The following LRMDA variants were observed in gnomAD, a reference collection of about 807,000 sequenced individuals.
The protein encoded by LRMDA is leucine rich melanocyte differentiation associated.
Under a neutral mutation model 29.8 loss-of-function variants are expected in LRMDA, and 18 were observed. The observed-to-expected ratio is 0.60, with a 90% CI of 0.42 to 0.90. The LOEUF is 0.90. Among genes scored for constraint, LRMDA ranks in the 40% least tolerant of loss-of-function variants. The pLI is 0.00. For synonymous variants in LRMDA, 125 were observed against 109.4 expected, an observed-to-expected ratio of 1.14 and a Z score of -0.89; for missense variants, 273 against 273.9, an observed-to-expected ratio of 1.00 and a Z score of 0.02.
At chr10:75,654,211 A>G (rs2132129062) in intron 2 of LRMDA, among the ~76,000 whole-genome samples, 1 of 152,340 alleles carries the variant, frequency 6.6e-6, no homozygotes, top group East Asian at 1.9e-4. Flanking sequence ...TGAAAGGTCC[A>G]GTTCTTGGCT....
intron 6 of LRMDA, among the ~76,000 whole-genome samples, chr10:76,486,995 G>T (rs1842789030): frequency 1.3e-5 from 2 of 151,906 alleles, no homozygotes; most frequent in African/African-American, 2.4e-5. Context: ...GGTTATTATT[G>T]TGTTGCTAGA....
intron 2 of LRMDA, among the ~76,000 whole-genome samples, chr10:75,936,409 A>C (rs926300156): frequency 1.3e-5 from 2 of 152,188 alleles, no homozygotes; most frequent in African/African-American, 4.8e-5. Flanking sequence ...TCTTCCTGGT[A>C]TATAATTCCA....
chr10:75,790,731 A>G (rs1452064463), intron 2 of LRMDA, among the ~76,000 whole-genome samples: 1 of 152,192 alleles, frequency 6.6e-6, no homozygotes, highest in East Asian at 1.9e-4. Context: ...GAACCAGTCT[A>G]TTCCCCAGTG....
chr10:75,989,361 G>A (rs539670712), intron 2 of LRMDA, among the ~76,000 whole-genome samples: 12 of 152,366 alleles, frequency 7.9e-5, no homozygotes, highest in African/African-American at 2.9e-4. Context: ...CGAAGGCAAA[G>A]AGGGCGCTGG....
chr10:76,456,426 C>T (rs1410040495), intron 6 of LRMDA, among the ~76,000 whole-genome samples: 2 of 152,140 alleles, frequency 1.3e-5, no homozygotes, highest in African/African-American at 4.8e-5. Context: ...AAAGCAATTG[C>T]AGAGGACCAC....
intron 2 of LRMDA, among the ~76,000 whole-genome samples, chr10:75,968,788 A>G (rs568188346): frequency 6.6e-6 from 1 of 152,308 alleles, no homozygotes; most frequent in South Asian, 2.1e-4. Flanking sequence ...GAATTAGAGC[A>G]TGGAATATGA....
chr10:75,568,415 G>A (rs1407098508), intron 2 of LRMDA, among the ~76,000 whole-genome samples: 1 of 152,146 alleles, frequency 6.6e-6, no homozygotes, highest in African/African-American at 2.4e-5. Context: ...ATTTTCAGCA[G>A]GTGCTTTGTA....
chr10:75,557,486 C>G (rs1307356986), intron 2 of LRMDA, among the ~76,000 whole-genome samples: 3 of 152,074 alleles, frequency 2.0e-5, no homozygotes, highest in Admixed American at 6.5e-5. Flanking sequence ...TGGGAGGCAG[C>G]CTGGCTATGA....
At chr10:76,454,861 G>A (rs149711789) in intron 6 of LRMDA, among the ~76,000 whole-genome samples, 17 of 152,318 alleles carry the variant, frequency 1.1e-4, no homozygotes, top group Middle Eastern at 3.4e-3. Context: ...TTTGGGTGGA[G>A]TTTTCACATA....
chr10:75,752,973 C>T (rs558616683), intron 2 of LRMDA, among the ~76,000 whole-genome samples: 4 of 152,242 alleles, frequency 2.6e-5, no homozygotes, highest in African/African-American at 9.6e-5. Context: ...TATTTTTCTT[C>T]CTCAGGTTTT....
At chr10:75,584,237 T>C (rs1564515785) in intron 2 of LRMDA, among the ~76,000 whole-genome samples, 2 of 152,166 alleles carry the variant, frequency 1.3e-5, no homozygotes, top group African/African-American at 4.8e-5. Context: ...GCATCTTCAC[T>C]TGACTGGCCA....
intron 2 of LRMDA, among the ~76,000 whole-genome samples, chr10:75,666,936 A>G (rs1185344684): frequency 6.6e-6 from 1 of 152,204 alleles, no homozygotes; most frequent in Non-Finnish European, 1.5e-5. Context: ...GGTGTAATCA[A>G]TCAGTTATAC....
At chr10:76,470,434 GATACTTGTACACCT>G (rs1842606461) in intron 6 of LRMDA, 1 of 152,034 alleles carries the variant, frequency 6.6e-6, no homozygotes. Flanking sequence ...AACTCAAACA[GATACTTGTACACCT>G]ATGTTCATAG....
At chr10:76,019,077 C>T (rs1431343677) in intron 2 of LRMDA, among the ~76,000 whole-genome samples, 2 of 152,042 alleles carry the variant, frequency 1.3e-5, no homozygotes, top group Non-Finnish European at 2.9e-5. Flanking sequence ...AGTAGTGTCC[C>T]CTTTATTCTA....
chr10:76,083,804 A>G (rs1849087587), intron 5 of LRMDA, among the ~76,000 whole-genome samples: 1 of 147,786 alleles, frequency 6.8e-6, no homozygotes, highest in Non-Finnish European at 1.5e-5. Context: ...ATTGCACTCC[A>G]GCCTGGGCAA....
chr10:75,513,022 G>A (rs1422542377), intron 2 of LRMDA, among the ~76,000 whole-genome samples: 1 of 152,112 alleles, frequency 6.6e-6, no homozygotes, highest in East Asian at 1.9e-4. Flanking sequence ...TTCCCTCCCT[G>A]TAGAGAGAAT....
At chr10:76,505,307 A>G (rs1293638536) in intron 6 of LRMDA, among the ~76,000 whole-genome samples, 1 of 151,676 alleles carries the variant, frequency 6.6e-6, no homozygotes, top group East Asian at 1.9e-4. Context: ...CTTGTATAGT[A>G]TTTTGCAGGG....
At chr10:76,040,199 G>A (rs1271445785) in intron 3 of LRMDA, among the ~76,000 whole-genome samples, 1 of 152,152 alleles carries the variant, frequency 6.6e-6, no homozygotes, top group African/African-American at 2.4e-5. Context: ...CAAGATACAG[G>A]AGGAGTCAGC....
chr10:76,482,387 T>C (rs1842741097), intron 6 of LRMDA, among the ~76,000 whole-genome samples: 1 of 151,986 alleles, frequency 6.6e-6, no homozygotes, highest in Non-Finnish European at 1.5e-5. Flanking sequence ...TTACTTAGCA[T>C]TTAATAAAAT....
Sources: gnomAD v4.1 joint callset for allele counts (sites outside exome capture counted in the v4.1 genomes callset) on GRCh38, gnomAD v4.1.1 for gene constraint, MANE v1.5 for transcripts, NCBI Gene and HGNC (gene_info 2026-07-23, HGNC 2026-07-21) for gene names.